Variants in GRAMD2B observed in about 807,000 individuals in gnomAD.
The protein encoded by GRAMD2B is GRAM domain-containing protein 2B.
Under a neutral mutation model 59.2 loss-of-function variants are expected in GRAMD2B, and 41 were observed. The ratio of observed to expected loss-of-function variants is 0.69; its 90% CI spans 0.54 to 0.90. GRAMD2B has a LOEUF of 0.90. Ranked by LOEUF, GRAMD2B falls within the 40% of genes least tolerant of loss-of-function variation. GRAMD2B has a pLI of 0.00. For synonymous variants in GRAMD2B, 161 were observed against 182.7 expected (o/e 0.88, Z 0.96); for missense variants, 424 against 500.5 (o/e 0.85, Z 1.46).
chr5:126,492,628 G>C (rs1326784127), intron 13 of GRAMD2B, among the ~76,000 whole-genome samples: 1 of 152,096 alleles, frequency 6.6e-6, no homozygotes. Flanking sequence ...GGCTGAGGTG[G>C]GAGGATCACT....
chr5:126,492,384 TTC>T (rs925583823), intron 13 of GRAMD2B, among the ~76,000 whole-genome samples: 3 of 152,078 alleles, frequency 2.0e-5, no homozygotes, highest in Non-Finnish European at 4.4e-5. Flanking sequence ...CTTTCTGCCA[TTC>T]TCTCTTTTTT....
chr5:126,466,614 C>T (rs536551939), intron 2 of GRAMD2B, among the ~76,000 whole-genome samples: 95 of 152,252 alleles, frequency 6.2e-4, no homozygotes, highest in African/African-American at 2.1e-3. Context: ...TTAGCAGAGA[C>T]AGGGTTTCAC....
chr5:126,374,923 C>G (rs903078976), intron 1 of GRAMD2B, among the ~76,000 whole-genome samples: 5 of 152,192 alleles, frequency 3.3e-5, no homozygotes, highest in Non-Finnish European at 5.9e-5. Context: ...TGTTCTTCCA[C>G]TTAAATTTTA....
At chr5:126,371,977 T>A (rs1489586844) in intron 1 of GRAMD2B, among the ~76,000 whole-genome samples, 1 of 152,080 alleles carries the variant, frequency 6.6e-6, no homozygotes, top group African/African-American at 2.4e-5. Context: ...ATTAAGATAA[T>A]TGCCTTCTTT....
intron 1 of GRAMD2B, among the ~76,000 whole-genome samples, chr5:126,401,482 C>T (rs1050638885): frequency 6.6e-6 from 1 of 151,890 alleles, no homozygotes; most frequent in African/African-American, 2.4e-5. Context: ...TACTGTGTTC[C>T]TTTGGTGGAA....
intron 1 of GRAMD2B, among the ~76,000 whole-genome samples, chr5:126,403,634 C>A (rs531077699): frequency 6.6e-6 from 1 of 151,942 alleles, no homozygotes; most frequent in Non-Finnish European, 1.5e-5. Flanking sequence ...TTAAAATAAA[C>A]TCATCTTAAT....
intron 1 of GRAMD2B, chr5:126,360,545 G>T: frequency 7.7e-7 from 1 of 1,295,460 alleles, no homozygotes; most frequent in Non-Finnish European, 1.1e-6. Context: ...GGTATCTTAA[G>T]GACAGAGTGT....
chr5:126,469,031 T>C (rs1769031396), intron 2 of GRAMD2B, among the ~76,000 whole-genome samples: 1 of 152,224 alleles, frequency 6.6e-6, no homozygotes, highest in Non-Finnish European at 1.5e-5. Context: ...AAATATTCTT[T>C]GATTGAACTA....
chr5:126,424,600 G>C (rs955855901), intron 1 of GRAMD2B, among the ~76,000 whole-genome samples: 5 of 152,234 alleles, frequency 3.3e-5, no homozygotes, highest in African/African-American at 1.2e-4. Flanking sequence ...TCAAAGTCTT[G>C]TTGAAGTCTG....
At chr5:126,379,521 A>G (rs531989249) in intron 1 of GRAMD2B, among the ~76,000 whole-genome samples, 1 of 152,284 alleles carries the variant, frequency 6.6e-6, no homozygotes, top group East Asian at 1.9e-4. Flanking sequence ...CATTCCCATC[A>G]ACAGTGTAAA....
At chr5:126,476,268 T>C (rs191830283) in intron 5 of GRAMD2B, among the ~76,000 whole-genome samples, 2 of 152,122 alleles carry the variant, frequency 1.3e-5, no homozygotes, top group Non-Finnish European at 2.9e-5. Flanking sequence ...AGCAAAACTC[T>C]GTCTCAAAAA....
At chr5:126,404,931 A>G (rs781136822) in intron 1 of GRAMD2B, among the ~76,000 whole-genome samples, 2 of 151,950 alleles carry the variant, frequency 1.3e-5, no homozygotes, top group Non-Finnish European at 2.9e-5. Flanking sequence ...AAGACTCTCC[A>G]TATTTTAATT....
rs186271874 is a variant in GRAMD2B at position 126,411,776 on chromosome 5, C to A, written c.125+40209C>A. On this transcript the variant is annotated intron_variant, in intron 1 of 8. Transcript: ENST00000506445. ...CATTTGTTTGTGTCATTTATGATTT[C>A]TTGTTGCAGTGTTTTATAGTTCTCC... Among the ~76,000 whole-genome samples, 441 of 151,184 alleles carry A rather than the reference C, an allele frequency of 2.9e-3. 5 individuals are homozygous for A. Among genetic ancestry groups the A allele is most frequent in the Admixed American group, 0.021 (324 of 15,154 alleles).
intron 1 of GRAMD2B, among the ~76,000 whole-genome samples, chr5:126,430,218 C>G (rs1761345214): frequency 6.6e-6 from 1 of 152,146 alleles, no homozygotes; most frequent in South Asian, 2.1e-4. Context: ...GCAGAACCAA[C>G]TTAAACTAAA....
chr5:126,448,177 A>G (rs1764699893), intron 1 of GRAMD2B, among the ~76,000 whole-genome samples: 1 of 152,126 alleles, frequency 6.6e-6, no homozygotes, highest in Non-Finnish European at 1.5e-5. Flanking sequence ...TTTTAAATAA[A>G]CCACATACTA....
At chr5:126,406,444 G>T (rs1758274957) in intron 1 of GRAMD2B, among the ~76,000 whole-genome samples, 1 of 151,394 alleles carries the variant, frequency 6.6e-6, no homozygotes, top group Non-Finnish European at 1.5e-5. Context: ...TTTTATATAT[G>T]CATATACCCA....
intron 1 of GRAMD2B, among the ~76,000 whole-genome samples, chr5:126,431,112 C>T (rs890458904): frequency 3.9e-5 from 6 of 152,136 alleles, no homozygotes; most frequent in East Asian, 1.9e-4. Context: ...CACTTCCCAA[C>T]GTTTTGGTCT....
intron 6 of GRAMD2B, 44 bp from the exon 7 acceptor site, chr5:126,480,412 C>T (rs1561595508): frequency 2.1e-6 from 3 of 1,420,182 alleles, no homozygotes; most frequent in Non-Finnish European, 2.0e-6. Context: ...TCTCACTTCT[C>T]ATCCGGCAAT....
intron 1 of GRAMD2B, among the ~76,000 whole-genome samples, chr5:126,360,814 A>G (rs184032034): frequency 0.034 from 5,132 of 152,200 alleles, 126 homozygotes; most frequent in Non-Finnish European, 0.051. Context: ...GTTGCAATCT[A>G]AGACTCTATG....
Sources: allele counts gnomAD v4.1 joint callset (sites outside exome capture counted in the v4.1 genomes callset), GRCh38; gene constraint gnomAD v4.1.1; transcripts MANE v1.5; gene names NCBI Gene and HGNC (gene_info 2026-07-23, HGNC 2026-07-21).